MGST1: variants seen among roughly 807,000 people sequenced by gnomAD.
MGST1 encodes glutathione S-transferase 12.
Under a neutral mutation model 8.9 loss-of-function variants are expected in MGST1, and 5 were observed. The observed-to-expected ratio is 0.56, with a 90% CI of 0.29 to 1.19. The LOEUF is 1.19. Ranked by LOEUF, MGST1 falls within the 50% of genes most tolerant of loss-of-function variation. The pLI is 0.08. For synonymous variants in MGST1, 54 were observed against 67.8 expected (o/e 0.80, Z 1.00); for missense variants, 182 against 187.4 (o/e 0.97, Z 0.17).
chr12:16,370,012 T>C (rs1364862750), intron 3 of MGST1: 2 of 152,236 alleles, frequency 1.3e-5, no homozygotes, highest in Non-Finnish European at 2.9e-5. Context: ...AGGCCACTTA[T>C]ACAGTCAATC....
At chr12:16,466,584 G>A (rs1215164996) in intron 4 of MGST1, among the ~76,000 whole-genome samples, 2 of 152,096 alleles carry the variant, frequency 1.3e-5, no homozygotes, top group Non-Finnish European at 2.9e-5. Flanking sequence ...TTAAATATGA[G>A]CCACTTGAAT....
intron 4 of MGST1, among the ~76,000 whole-genome samples, chr12:16,478,324 G>A (rs1331465107): frequency 1.3e-5 from 2 of 152,090 alleles, no homozygotes; most frequent in African/African-American, 2.4e-5. Flanking sequence ...CACCACGCCC[G>A]GCCCTTTCTC....
intron 4 of MGST1, among the ~76,000 whole-genome samples, chr12:16,491,365 A>C (rs1317106578): frequency 6.6e-6 from 1 of 152,174 alleles, no homozygotes; most frequent in African/African-American, 2.4e-5. Flanking sequence ...GTTCTATGTT[A>C]GGCCACAGCC....
chr12:16,537,771 C>G lies in MGST1; in HGVS notation n.483-51757C>G, dbSNP rs972134808. Among the ~76,000 whole-genome samples the G allele has an allele frequency of 1.3e-5, 2 of 152,192 alleles. No individual in the cohort carries two copies. Among genetic ancestry groups the G allele is most frequent in the Admixed American group, 6.5e-5 (1 of 15,282 alleles). ...CAGCTGGAGCAGCTGGGATGCAGGGCACCAAGTCCCTAGGCTGCACACAGC... is the reference window on the plus strand; with the variant it reads ...CAGCTGGAGCAGCTGGGATGCAGGGGACCAAGTCCCTAGGCTGCACACAGC... On this transcript the variant is annotated intron_variant and non_coding_transcript_variant, in intron 4 of 4. Transcript: ENST00000538857. The surrounding 1 kb of genome is among the most constrained non-coding windows in gnomAD (Gnocchi z 4.6).
At chr12:16,349,743 CTTTTTTTTT>C (rs760899357) in intron 1 of MGST1, among the ~76,000 whole-genome samples, 1 of 127,408 alleles carries the variant, frequency 7.8e-6, no homozygotes, top group Non-Finnish European at 1.7e-5. Context: ...CCCAGAGCTT[CTTTTTTTTT>C]TTTTTTTTTT....
rs190119846 is a variant in MGST1, at chr12:16,523,577, A to T, written n.483-65951A>T. Among the ~76,000 whole-genome samples the T allele has an allele frequency of 3.8e-3, 576 of 152,142 alleles. 5 individuals carry two copies. The highest frequency in any genetic ancestry group is 0.013 in the African/African-American group (547 of 41,518). Reference sequence around the variant, plus strand: ...TGGTGATGCTTTCTGGTACTTAAAAAAAATGCTTCACTGTATGTTACAAGA... The same window carrying T: ...TGGTGATGCTTTCTGGTACTTAAAATAAATGCTTCACTGTATGTTACAAGA... On this transcript the variant is annotated intron_variant and non_coding_transcript_variant, in intron 4 of 4. Coordinates refer to the MGST1 transcript ENST00000538857.
In MGST1 at chr12:16,503,136, A is replaced by T. The variant is rs73320879; in HGVS notation, n.483-86392A>T. ...AAGGAAAGGAAAGAAGTTAAAATAG[A>T]AGTTTTTATGGGATGTGGTTTATCT... On this transcript the variant is annotated intron_variant and non_coding_transcript_variant, in intron 4 of 4. Transcript: ENST00000538857. The surrounding 1 kb of genome is among the most constrained non-coding windows in gnomAD (Gnocchi z 4.8). Among the ~76,000 whole-genome samples, 1,654 of 152,190 alleles carry T rather than the reference A, an allele frequency of 0.011. 26 individuals are homozygous for T. Among genetic ancestry groups the T allele is most frequent in the African/African-American group, 0.037 (1,540 of 41,500 alleles).
At chr12:16,496,975 G>T (rs561816628) in intron 4 of MGST1, among the ~76,000 whole-genome samples, 1 of 152,234 alleles carries the variant, frequency 6.6e-6, no homozygotes, top group African/African-American at 2.4e-5. Context: ...GATTTCTAAA[G>T]CTTAGCAGCT....
At chr12:16,528,885 CT>C in intron 4 of MGST1, among the ~76,000 whole-genome samples, 1 of 152,158 alleles carries the variant, frequency 6.6e-6, no homozygotes, top group East Asian at 1.9e-4. Context: ...TAACATTTAT[CT>C]GACAACGGGC....
At position 16,513,698 on chromosome 12, in the gene MGST1, G is replaced by A. The variant is rs1941592121; in HGVS notation, n.483-75830G>A. 1.8e-6 allele frequency: 1 copy of A among 546,582 alleles called. No homozygotes were observed. The highest frequency in any genetic ancestry group is 2.0e-5 in the Admixed American group (1 of 49,200). 33.9% of individuals were successfully genotyped at this position (546,582 alleles called of 1,614,324 possible). A position where few individuals can be genotyped will look rare whatever the true frequency, so the allele number is the denominator to read the frequency against. On this transcript the variant is annotated intron_variant and non_coding_transcript_variant, in intron 4 of 4. Coordinates refer to the MGST1 transcript ENST00000538857. This position sits in a 1 kb window ranked among gnomAD's most constrained non-coding sequence, Gnocchi z 4.2. Reference sequence around the variant, plus strand: ...TCCATTGGGCGGCTGGCTGAATTTTGCAAGGCATCTGCAGAAGTAGCCTTG... The same window carrying A: ...TCCATTGGGCGGCTGGCTGAATTTTACAAGGCATCTGCAGAAGTAGCCTTG...
At position 16,560,086 on chromosome 12, in the gene MGST1, A is replaced by G. The variant is rs1484916400; in HGVS notation, n.483-29442A>G. On this transcript the variant is annotated intron_variant and non_coding_transcript_variant, in intron 4 of 4. Transcript: ENST00000538857. The surrounding 1 kb of genome is among the most constrained non-coding windows in gnomAD (Gnocchi z 5.0). ...TGCCAATTTATTTACTCACATAAGT[A>G]GTATAAAAAAGTAGATATTTAAAAC... Among the ~76,000 whole-genome samples the G allele has an allele frequency of 2.0e-5, 3 of 152,230 alleles. No homozygotes were observed. Among genetic ancestry groups the G allele is most frequent in the Non-Finnish European group, 4.4e-5 (3 of 68,038 alleles).
chr12:16,385,661 A>G (rs1161962750), intron 1 of MGST1, among the ~76,000 whole-genome samples: 4 of 151,392 alleles, frequency 2.6e-5, no homozygotes, highest in Non-Finnish European at 5.9e-5. Flanking sequence ...ATCAAAGCCC[A>G]GGAGAAGCCC....
intron 4 of MGST1, among the ~76,000 whole-genome samples, chr12:16,446,186 T>C (rs977087275): frequency 3.9e-5 from 6 of 151,988 alleles, no homozygotes; most frequent in Non-Finnish European, 8.8e-5. Flanking sequence ...TTAGTGCCCA[T>C]GTCCAAATGA....
intron 1 of MGST1, among the ~76,000 whole-genome samples, chr12:16,390,474 G>A (rs1591715178): frequency 6.6e-6 from 1 of 152,088 alleles, no homozygotes; most frequent in East Asian, 1.9e-4. Context: ...GTAGGCCCCA[G>A]TGTCTGTCGT....
chr12:16,434,468 G>A (rs1365929094), intron 1 of MGST1, among the ~76,000 whole-genome samples: 3 of 134,798 alleles, frequency 2.2e-5, no homozygotes. Flanking sequence ...GTGTGTTTCC[G>A]TTCAATTTTT....
At chr12:16,475,059 G>C (rs1201391367) in intron 4 of MGST1, among the ~76,000 whole-genome samples, 1 of 152,096 alleles carries the variant, frequency 6.6e-6, no homozygotes, top group Non-Finnish European at 1.5e-5. Flanking sequence ...CATTTAGCTC[G>C]AGCTGCTTTT....
intron 1 of MGST1, among the ~76,000 whole-genome samples, chr12:16,430,100 A>G (rs1038984476): frequency 6.6e-6 from 1 of 152,190 alleles, no homozygotes; most frequent in Non-Finnish European, 1.5e-5. Flanking sequence ...CATCTCAAGA[A>G]ATCACTTTCT....
chr12:16,462,340 C>T (rs1941226859), intron 4 of MGST1, among the ~76,000 whole-genome samples: 1 of 152,056 alleles, frequency 6.6e-6, no homozygotes, highest in Non-Finnish European at 1.5e-5. Context: ...AGATGACTTT[C>T]ATAAGGTTAT....
In MGST1 at chr12:16,544,734, A is replaced by C. The variant is rs1314431899; in HGVS notation, n.483-44794A>C. Among the ~76,000 whole-genome samples, 1 of 152,092 alleles carries C rather than the reference A, an allele frequency of 6.6e-6. No homozygotes were observed. Among genetic ancestry groups the C allele is most frequent in the Non-Finnish European group, 1.5e-5 (1 of 67,946 alleles). On this transcript the variant is annotated intron_variant and non_coding_transcript_variant, in intron 4 of 4. Coordinates refer to the MGST1 transcript ENST00000538857. The surrounding 1 kb of genome is among the most constrained non-coding windows in gnomAD (Gnocchi z 4.8). ...GAGATACTAAAATCGCATACATACTATTCTAGTCAATTTGGGAAAAAGCAC... is the reference window on the plus strand; with the variant it reads ...GAGATACTAAAATCGCATACATACTCTTCTAGTCAATTTGGGAAAAAGCAC...
Sources: allele counts gnomAD v4.1 joint callset (sites outside exome capture counted in the v4.1 genomes callset), GRCh38; gene constraint gnomAD v4.1.1; non-coding constraint Gnocchi (gnomAD v3.1); transcripts MANE v1.5; gene names NCBI Gene and HGNC (gene_info 2026-07-23, HGNC 2026-07-21).